GHR: variants seen among roughly 807,000 people sequenced by gnomAD.
GHR encodes the protein GH receptor.
In GHR, 35 loss-of-function variants were observed where a neutral mutation model predicts 67.1. That is an observed-to-expected ratio of 0.52 (90% CI 0.40 to 0.69). GHR has a LOEUF of 0.69. GHR is among the 30% of genes least tolerant of loss of function. The pLI, the probability that GHR is intolerant of heterozygous loss-of-function variation, is 0.00. For missense variants in GHR, 792 were observed against 764.6 expected, an observed-to-expected ratio of 1.04 and a Z score of -0.42; for synonymous variants, 272 against 269.1, an observed-to-expected ratio of 1.01 and a Z score of -0.10.
chr5:42,714,630 A>ATTGGACATG (rs1031439607), intron 8 of GHR, among the ~76,000 whole-genome samples: 1 of 152,206 alleles, frequency 6.6e-6, no homozygotes, highest in African/African-American at 2.4e-5. Flanking sequence ...ATTTTATAAT[A>ATTGGACATG]TAAACCAATT....
chr5:42,442,054 A>C (rs891212388), intron 1 of GHR, among the ~76,000 whole-genome samples: 13 of 152,292 alleles, frequency 8.5e-5, no homozygotes, highest in African/African-American at 3.1e-4. Flanking sequence ...GTGCAGATGC[A>C]GAGGTGTGTT....
chr5:42,607,698 A>G (rs1398114801), intron 2 of GHR, among the ~76,000 whole-genome samples: 1 of 152,174 alleles, frequency 6.6e-6, no homozygotes, highest in Non-Finnish European at 1.5e-5. Context: ...TTGATTTGGG[A>G]TAGAAGAAGG....
At chr5:42,492,140 G>T (rs2112198025) in intron 1 of GHR, among the ~76,000 whole-genome samples, 1 of 152,180 alleles carries the variant, frequency 6.6e-6, no homozygotes, top group East Asian at 1.9e-4. Context: ...TTACTTTTAT[G>T]TCTGCGTGTG....
chr5:42,670,075 C>T lies in GHR; in HGVS notation c.137-18815C>T, dbSNP rs373035788. ...CTCTGAATAGCCAAAGCAATCTTGA[C>T]CAAAAAGAGCAATGCTGGAAGCATC... On this transcript the variant is annotated intron_variant, in intron 3 of 9. Transcript: ENST00000230882. 8.5e-5 allele frequency among the ~76,000 whole-genome samples: 13 copies of T among 152,150 alleles called. No homozygotes were observed. In the East Asian group the frequency reaches 1.7e-3, roughly 20 times the overall value.
intron 3 of GHR, among the ~76,000 whole-genome samples, chr5:42,632,342 C>T (rs1258476021): frequency 6.6e-6 from 1 of 152,202 alleles, no homozygotes; most frequent in Admixed American, 6.5e-5. Flanking sequence ...TGGCCTGAAG[C>T]AATCCCTCCC....
chr5:42,685,585 C>T (rs1206384997), intron 3 of GHR, among the ~76,000 whole-genome samples: 1 of 152,184 alleles, frequency 6.6e-6, no homozygotes, highest in East Asian at 1.9e-4. Context: ...TCCTATTTCT[C>T]CACATCCTCT....
chr5:42,555,457 T>G (rs1246810751), intron 1 of GHR, among the ~76,000 whole-genome samples: 1 of 152,140 alleles, frequency 6.6e-6, no homozygotes, highest in Non-Finnish European at 1.5e-5. Flanking sequence ...GCTACCCTGA[T>G]TGTGTGTTTA....
At chr5:42,486,143 C>G (rs149389105) in intron 1 of GHR, among the ~76,000 whole-genome samples, 39 of 152,312 alleles carry the variant, frequency 2.6e-4, no homozygotes, top group African/African-American at 8.9e-4. Flanking sequence ...GGTCTGAGGA[C>G]TACACTTTGA....
chr5:42,550,657 C>T (rs1420061529), intron 1 of GHR, among the ~76,000 whole-genome samples: 1 of 152,082 alleles, frequency 6.6e-6, no homozygotes, highest in Non-Finnish European at 1.5e-5. Flanking sequence ...AATTTTTCTG[C>T]CTGTTTGTCT....
intron 1 of GHR, among the ~76,000 whole-genome samples, chr5:42,556,790 T>C (rs1205266673): frequency 6.6e-6 from 1 of 152,136 alleles, no homozygotes; most frequent in Non-Finnish European, 1.5e-5. Flanking sequence ...TGCAATGTGG[T>C]CCTAGTGAAA....
At chr5:42,624,308 A>G (rs1024809412) in intron 2 of GHR, among the ~76,000 whole-genome samples, 7 of 152,138 alleles carry the variant, frequency 4.6e-5, no homozygotes, top group African/African-American at 1.7e-4. Flanking sequence ...TTAGGATCTC[A>G]TAACTGACCC....
At position 42,583,655 on chromosome 5, in the gene GHR, G is replaced by C. The variant is rs1490359554; in HGVS notation, c.70+17711G>C. On this transcript the variant is annotated intron_variant, in intron 2 of 9. Coordinates refer to ENST00000230882, the MANE Select transcript of GHR (RefSeq NM_000163.5). ...CAAGTTACATTTAGAGCAGAACTTT[G>C]TAAAGACCCTGGCATTTATTCAAGG... Among the ~76,000 whole-genome samples the C allele has an allele frequency of 2.0e-5, 3 of 152,076 alleles. No individual in the cohort carries two copies. In the South Asian group the frequency reaches 6.2e-4, roughly 32 times the overall value.
At chr5:42,545,310 A>T (rs1186656333) in intron 1 of GHR, among the ~76,000 whole-genome samples, 1 of 152,352 alleles carries the variant, frequency 6.6e-6, no homozygotes, top group East Asian at 1.9e-4. Context: ...ATTTCCTAGA[A>T]AATGTGGCAA....
At chr5:42,490,961 G>T (rs72753092) in intron 1 of GHR, among the ~76,000 whole-genome samples, 5,322 of 152,270 alleles carry the variant, frequency 0.035, 132 homozygotes, top group Middle Eastern at 0.051. Context: ...GTTCCATTTT[G>T]GACACTGCAA....
chr5:42,648,715 G>A (rs113671833), intron 3 of GHR, among the ~76,000 whole-genome samples: 3,104 of 149,708 alleles, frequency 0.021, 109 homozygotes, highest in African/African-American at 0.073. Context: ...TAGTAGTAGT[G>A]GTGGTGGTAG....
At chr5:42,597,911 G>T (rs932696039) in intron 2 of GHR, among the ~76,000 whole-genome samples, 9 of 152,166 alleles carry the variant, frequency 5.9e-5, no homozygotes, top group African/African-American at 2.2e-4. Flanking sequence ...GATTTTTCTT[G>T]GAGGGATTCA....
chr5:42,481,169 A>C lies in GHR; in HGVS notation c.-12+57214A>C, dbSNP rs535915269. On this transcript the variant is annotated intron_variant, in intron 1 of 9. Coordinates refer to ENST00000230882, the MANE Select transcript of GHR (RefSeq NM_000163.5). ...TGAAGCTTAGTTTGGCTGGATATGA[A>C]ATTCTGGGTTGAAAATTCTTTTCTT... 9.9e-3 allele frequency among the ~76,000 whole-genome samples: 1,514 copies of C among 152,214 alleles called. 23 individuals are homozygous for C. Among genetic ancestry groups the C allele is most frequent in the African/African-American group, 0.034 (1,431 of 41,518 alleles).
intron 3 of GHR, among the ~76,000 whole-genome samples, chr5:42,676,058 G>A (rs759353631): frequency 2.9e-4 from 44 of 152,204 alleles, no homozygotes; most frequent in Non-Finnish European, 5.1e-4. Context: ...AGGCCAAGGC[G>A]GGAAGATCAT....
At chr5:42,480,182 T>C (rs1745553132) in intron 1 of GHR, among the ~76,000 whole-genome samples, 1 of 152,236 alleles carries the variant, frequency 6.6e-6, no homozygotes, top group East Asian at 1.9e-4. Context: ...TCAGTTTCCA[T>C]GTAGTAGAGC....
Sources: allele counts gnomAD v4.1 joint callset (sites outside exome capture counted in the v4.1 genomes callset), GRCh38; gene constraint gnomAD v4.1.1; transcripts MANE v1.5; gene names NCBI Gene and HGNC (gene_info 2026-07-23, HGNC 2026-07-21).